CREBBP: variants seen among roughly 807,000 people sequenced by gnomAD.
CREBBP encodes the protein CREB-binding protein.
Under a neutral mutation model 265.0 loss-of-function variants are expected in CREBBP, and 19 were observed. The ratio of observed to expected loss-of-function variants is 0.07; its 90% confidence interval spans 0.05 to 0.11. The LOEUF is 0.11. Ranked by LOEUF, CREBBP falls within the 10% of genes least tolerant of loss-of-function variation. The pLI, the probability that CREBBP is intolerant of heterozygous loss-of-function variation, is 1.00. For missense variants in CREBBP, 2,525 were observed against 3,219.0 expected (o/e 0.78, Z 5.22); for synonymous variants, 1,457 against 1,223.7 (o/e 1.19, Z -3.98).
At position 3,875,137 on chromosome 16, in the gene CREBBP, C is replaced by CA. The variant is rs574642407; in HGVS notation, c.85+4694dup. 3.0e-3 allele frequency among the ~76,000 whole-genome samples: 453 copies of CA among 152,338 alleles called. 4 individuals are homozygous for CA. The highest frequency in any genetic ancestry group is 0.01 in the African/African-American group (434 of 41,582). On this transcript the variant is annotated intron_variant, in intron 1 of 30. Transcript: ENST00000262367. ...AGCATCAACTTCCAACTGCAGGACT[C>CA]AGTCTCTTTGTAAGTTATGTTCAAT...
At chr16:3,812,865 C>T (rs565272345) in intron 2 of CREBBP, 1 of 189,834 alleles carries the variant, frequency 5.3e-6, no homozygotes, top group South Asian at 1.9e-4. Context: ...GGAAGGTCCC[C>T]GCATAGGGAA....
chr16:3,728,049 T>C lies in CREBBP; in HGVS notation c.6998A>G (p.Gln2333Arg), dbSNP rs2051794422. 6.2e-7 allele frequency: 1 copy of C among 1,612,732 alleles called. No individual in the cohort carries two copies. The highest frequency in any genetic ancestry group is 1.7e-5 in the Admixed American group (1 of 59,986). ...GQPQASHLPGQQIATSLSNQV... is the reference protein window; with the variant it reads ...GQPQASHLPGRQIATSLSNQV... Reference sequence around the variant, plus strand: ...GTTACTAAGGGACGTGGCGATCTGCTGGCCAGGGAGATGCGAGGCCTGTGG... The same window carrying C: ...GTTACTAAGGGACGTGGCGATCTGCCGGCCAGGGAGATGCGAGGCCTGTGG... Residue 2333 changes from glutamine to arginine, a missense_variant, in exon 31 of 31, where the codon CAG becomes CGG. Physicochemically the swap from Gln to Arg is conservative, Grantham distance 43. This residue lies in a region of CREBBP where 473 missense variants were observed against 459.3 expected (regional missense o/e 1.03). Transcript: ENST00000262367. This position sits in a 1 kb window ranked among gnomAD's most constrained non-coding sequence, Gnocchi z 8.7.
At chr16:3,754,380 T>TA (rs1488724958) in intron 19 of CREBBP, among the ~76,000 whole-genome samples, 1 of 152,218 alleles carries the variant, frequency 6.6e-6, no homozygotes, top group Non-Finnish European at 1.5e-5. Flanking sequence ...GTCCACACTT[T>TA]ATTCTCCCTG....
In CREBBP at chr16:3,759,023, C is replaced by A; in HGVS notation, c.3251-51G>T. ...CACTTTGTAAAAGGTGCTCAGATCCCTCCTACCTCACATTTAAAACGGAAT... is the reference window on the plus strand; with the variant it reads ...CACTTTGTAAAAGGTGCTCAGATCCATCCTACCTCACATTTAAAACGGAAT... On this transcript the variant is annotated intron_variant, in intron 16 of 30. Coordinates refer to ENST00000262367, the MANE Select transcript of CREBBP (RefSeq NM_004380.3). 2.9e-6 allele frequency: 4 copies of A among 1,365,632 alleles called. No homozygotes were observed. The South Asian group carries it at 3.5e-5, about 12-fold the overall frequency. 84.6% of individuals were successfully genotyped at this position (1,365,632 alleles called of 1,614,324 possible). A position where few individuals can be genotyped will look rare whatever the true frequency, so the allele number is the denominator to read the frequency against.
intron 3 of CREBBP, among the ~76,000 whole-genome samples, chr16:3,804,953 G>A: frequency 6.6e-6 from 1 of 152,178 alleles, no homozygotes; most frequent in South Asian, 2.1e-4. Flanking sequence ...CTTGACTGAG[G>A]CCTTGTAATA....
intron 1 of CREBBP, among the ~76,000 whole-genome samples, chr16:3,874,843 T>G (rs922689180): frequency 2.0e-5 from 3 of 152,312 alleles, no homozygotes; most frequent in African/African-American, 7.2e-5. Flanking sequence ...GAAGAGCTGG[T>G]TTGAGTAAGG....
chr16:3,781,431 C>T, intron 6 of CREBBP, 125 bp from the exon 7 acceptor site: 1 of 773,052 alleles, frequency 1.3e-6, no homozygotes, highest in Non-Finnish European at 2.2e-6. Flanking sequence ...GTGATTCTGG[C>T]CAGTTATAGT....
intron 5 of CREBBP, among the ~76,000 whole-genome samples, chr16:3,786,576 T>C (rs1002817790): frequency 1.3e-5 from 2 of 152,170 alleles, no homozygotes; most frequent in Admixed American, 6.5e-5. Context: ...AGAGCAGTAG[T>C]TGCTACAGCT....
chr16:3,775,306 G>T (rs1365732728), intron 11 of CREBBP, among the ~76,000 whole-genome samples: 1 of 152,206 alleles, frequency 6.6e-6, no homozygotes, highest in Non-Finnish European at 1.5e-5. Flanking sequence ...TTAGCCTCCT[G>T]TAGTTTACAG....
intron 2 of CREBBP, among the ~76,000 whole-genome samples, chr16:3,814,761 T>C (rs534898208): frequency 2.3e-5 from 3 of 130,254 alleles, no homozygotes; most frequent in South Asian, 2.5e-4. Flanking sequence ...GTCCAGCTCA[T>C]AGGGATCTAC....
At chr16:3,758,996 G>C (rs938680075) in intron 16 of CREBBP, 24 bp from the exon 17 acceptor site, 13 of 1,563,102 alleles carry the variant, frequency 8.3e-6, no homozygotes, top group African/African-American at 6.8e-5. Context: ...ATCAAGAAAA[G>C]ACACTTTGTA....
chr16:3,789,660 T>C (rs1325902006), intron 5 of CREBBP, among the ~76,000 whole-genome samples: 1 of 151,814 alleles, frequency 6.6e-6, no homozygotes, highest in East Asian at 1.9e-4. Flanking sequence ...GAAAAAACAA[T>C]AAAATTTACA....
At chr16:3,763,825 C>CA (rs1318199825) in intron 16 of CREBBP, among the ~76,000 whole-genome samples, 1 of 149,804 alleles carries the variant, frequency 6.7e-6, no homozygotes, top group African/African-American at 2.5e-5. Context: ...GACATCTGCA[C>CA]AGATGGGAAA....
intron 11 of CREBBP, 47 bp downstream of exon 11, chr16:3,777,566 T>A (rs2053173179): frequency 1.3e-6 from 2 of 1,581,340 alleles, no homozygotes; most frequent in African/African-American, 1.3e-5. Flanking sequence ...AAGTTATGGC[T>A]GTTGAATGTA....
chr16:3,728,692 G>GCCAGT lies in CREBBP; in HGVS notation c.6354_6355insACTGG (p.Pro2119ThrfsTer26). The GCCAGT allele has an allele frequency of 6.2e-7, 1 of 1,613,952 alleles. No individual in the cohort carries two copies. Among genetic ancestry groups the GCCAGT allele is most frequent in the Non-Finnish European group, 8.5e-7 (1 of 1,179,974 alleles). ...ATGCCGGGCTGGGACTGGAGGCCAGGCTGGGGCTGCATGCCGGGCTGATTG... is the reference window on the plus strand; with the variant it reads ...ATGCCGGGCTGGGACTGGAGGCCAGGCCAGTCTGGGGCTGCATGCCGGGCTGATTG... On this transcript the variant is annotated frameshift_variant, in exon 31 of 31. Transcript: ENST00000262367. LOFTEE classifies it high-confidence loss of function. The surrounding 1 kb of genome is among the most constrained non-coding windows in gnomAD (Gnocchi z 8.7).
At chr16:3,879,497 G>A (rs1294286596) in intron 1 of CREBBP, among the ~76,000 whole-genome samples, 2 of 152,224 alleles carry the variant, frequency 1.3e-5, no homozygotes, top group African/African-American at 4.8e-5. Context: ...CACGCGTGTG[G>A]ACACGGCCGC....
intron 2 of CREBBP, among the ~76,000 whole-genome samples, chr16:3,833,685 A>C (rs2054386967): frequency 6.6e-6 from 1 of 152,224 alleles, no homozygotes; most frequent in Admixed American, 6.5e-5. Context: ...AATTAAACAG[A>C]AATGAAAACG....
rs1362223227 is a variant in CREBBP at position 3,770,802 on chromosome 16, G to A, written c.2648C>T (p.Ala883Val). The change falls in exon 14 of 31, where the codon GCA becomes GTA. Residue 883 changes from alanine to valine, a missense_variant. By Grantham distance (64) the Ala-to-Val change is moderately conservative. Transcript: ENST00000262367. Reference protein sequence around the residue: ...TPPGMTPPQPAAPTQPSTPVS... With the variant: ...TPPGMTPPQPVAPTQPSTPVS... ...AGGAGTTGATGGCTGAGTGGGAGCT[G>A]CTGGCTGGGGAGGAGTCATCCCAGG... 3 of 1,614,100 alleles carry A rather than the reference G, an allele frequency of 1.9e-6. No homozygotes were observed. Among genetic ancestry groups the A allele is most frequent in the Non-Finnish European group, 1.7e-6 (2 of 1,180,012 alleles).
chr16:3,737,259 G>GGAATGGGGCAGAAGA (rs1331953510), intron 26 of CREBBP, among the ~76,000 whole-genome samples: 3 of 152,144 alleles, frequency 2.0e-5, no homozygotes, highest in African/African-American at 7.2e-5. Flanking sequence ...GTTTCAGAAG[G>GGAATGGGGCAGAAGA]GAATGGGGCA....
Sources: allele counts gnomAD v4.1 joint callset (sites outside exome capture counted in the v4.1 genomes callset), GRCh38; gene constraint gnomAD v4.1.1; regional missense constraint gnomAD v4.1.1; non-coding constraint Gnocchi (gnomAD v3.1); transcripts MANE v1.5; gene names NCBI Gene and HGNC (gene_info 2026-07-23, HGNC 2026-07-21).